The following PDE5A variants were observed in gnomAD, a reference collection of about 807,000 sequenced individuals.
PDE5A encodes the protein phosphodiesterase 5A, also known as cGMP-specific 3',5'-cyclic phosphodiesterase.
In PDE5A, 67 loss-of-function variants were observed where a neutral mutation model predicts 110.2. That is an observed-to-expected ratio of 0.61 (90% CI 0.50 to 0.75). PDE5A has a LOEUF of 0.75. Ranked by LOEUF, PDE5A falls within the 30% of genes least tolerant of loss-of-function variation. The pLI, the probability that PDE5A is intolerant of heterozygous loss-of-function variation, is 0.00. For missense variants in PDE5A, 862 were observed against 1,045.1 expected (o/e 0.82, Z 2.42); for synonymous variants, 328 against 351.2 (o/e 0.93, Z 0.74).
chr4:119,583,460 T>C (rs1184304923), intron 3 of PDE5A, among the ~76,000 whole-genome samples: 2 of 152,138 alleles, frequency 1.3e-5, no homozygotes, highest in Non-Finnish European at 2.9e-5. Context: ...TTTGACTTTC[T>C]TAGCACTCAT....
intron 1 of PDE5A, among the ~76,000 whole-genome samples, chr4:119,623,421 T>C (rs1730231876): frequency 6.6e-6 from 1 of 152,206 alleles, no homozygotes; most frequent in African/African-American, 2.4e-5. Context: ...GAGGTTTTTA[T>C]CCCACAATTG....
intron 3 of PDE5A, among the ~76,000 whole-genome samples, chr4:119,582,036 G>A (rs1044620426): frequency 4.6e-5 from 7 of 152,272 alleles, no homozygotes; most frequent in African/African-American, 1.4e-4. Flanking sequence ...AAATTTCTTA[G>A]CATAAGACAA....
intron 4 of PDE5A, among the ~76,000 whole-genome samples, chr4:119,566,633 C>T (rs1026981484): frequency 1.3e-5 from 2 of 152,102 alleles, no homozygotes; most frequent in Admixed American, 6.6e-5. Flanking sequence ...ACTGTCTGTG[C>T]GCAAGGCTTA....
intron 19 of PDE5A, 88 bp from the exon 20 acceptor site, chr4:119,501,341 C>T: frequency 3.8e-6 from 3 of 795,610 alleles, no homozygotes; most frequent in Non-Finnish European, 6.3e-6. Flanking sequence ...GATGGAGTCT[C>T]ACTCTGTTGT....
At chr4:119,555,366 C>T (rs773555330) in intron 7 of PDE5A, among the ~76,000 whole-genome samples, 15 of 152,134 alleles carry the variant, frequency 9.9e-5, no homozygotes, top group African/African-American at 1.4e-4. Context: ...AGACCTAATA[C>T]ACTCCTGAGG....
chr4:119,623,018 G>A (rs1443700472), intron 1 of PDE5A, among the ~76,000 whole-genome samples: 4 of 143,714 alleles, frequency 2.8e-5, no homozygotes, highest in African/African-American at 1.0e-4. Flanking sequence ...CAGAGAAAAT[G>A]AATTAAGCAC....
chr4:119,626,707 C>T (rs1730358688), intron 1 of PDE5A, among the ~76,000 whole-genome samples: 1 of 150,166 alleles, frequency 6.7e-6, no homozygotes, highest in Non-Finnish European at 1.5e-5. Context: ...CTTAGTGTCT[C>T]ACGCTAAACT....
intron 3 of PDE5A, among the ~76,000 whole-genome samples, chr4:119,577,241 A>G (rs528582859): frequency 2.6e-5 from 4 of 152,160 alleles, no homozygotes; most frequent in South Asian, 2.1e-4. Context: ...ATTCACAGCC[A>G]AATTCTACCA....
At chr4:119,569,041 T>C (rs1728047542) in intron 3 of PDE5A, among the ~76,000 whole-genome samples, 1 of 151,970 alleles carries the variant, frequency 6.6e-6, no homozygotes, top group Admixed American at 6.6e-5. Context: ...CTTTTTTTTT[T>C]TTTTCTTTTT....
chr4:119,625,323 T>C (rs1005745603), intron 1 of PDE5A, among the ~76,000 whole-genome samples: 4 of 152,158 alleles, frequency 2.6e-5, no homozygotes, highest in African/African-American at 7.2e-5. Context: ...ATAAGATGCG[T>C]AGCTCTCTAC....
At chr4:119,507,735 T>C in intron 15 of PDE5A, 31 bp from the exon 16 acceptor site, 1 of 1,414,954 alleles carries the variant, frequency 7.1e-7, no homozygotes, top group East Asian at 2.3e-5. Flanking sequence ...AGTATTAACA[T>C]CCTGGAGAAG....
intron 3 of PDE5A, among the ~76,000 whole-genome samples, chr4:119,591,250 T>A (rs1329474598): frequency 6.6e-6 from 1 of 152,188 alleles, no homozygotes; most frequent in Non-Finnish European, 1.5e-5. Context: ...GTTCTACATC[T>A]CCTTTTAAAG....
rs998801301 is a variant in PDE5A at position 119,562,411 on chromosome 4, A to C, written c.1131+422T>G. On this transcript the variant is annotated intron_variant, in intron 6 of 20. Coordinates refer to ENST00000354960, the MANE Select transcript of PDE5A (RefSeq NM_001083.4). Reference sequence around the variant, plus strand: ...GGTTTCTATACAATTTCTAGTAAGAAGAAATTTTTATACCCAACCCATCCA... The same window carrying C: ...GGTTTCTATACAATTTCTAGTAAGACGAAATTTTTATACCCAACCCATCCA... Among the ~76,000 whole-genome samples the C allele has an allele frequency of 2.0e-5, 3 of 152,244 alleles. No homozygotes were observed. The East Asian group carries it at 5.8e-4, about 29-fold the overall frequency.
rs75083272 is a variant in PDE5A, at chr4:119,623,530, A to G, written c.152+4990T>C. ...CAAATCTAGAGGAAGGGGTGCCTCA[A>G]AGTAGGACACACTCCCTATAATCAG... On this transcript the variant is annotated intron_variant, in intron 1 of 20. Coordinates refer to ENST00000354960, the MANE Select transcript of PDE5A (RefSeq NM_001083.4). Among the ~76,000 whole-genome samples the G allele has an allele frequency of 3.1e-3, 477 of 152,308 alleles. 2 individuals carry two copies. Among genetic ancestry groups the G allele is most frequent in the African/African-American group, 0.011 (448 of 41,564 alleles).
chr4:119,574,364 A>C (rs1267610857), intron 3 of PDE5A, among the ~76,000 whole-genome samples: 1 of 63,818 alleles, frequency 1.6e-5, no homozygotes, highest in Non-Finnish European at 3.7e-5. Context: ...TTGTATTTTT[A>C]GTAGAGACGG....
At chr4:119,625,891 A>AC (rs1206566812) in intron 1 of PDE5A, among the ~76,000 whole-genome samples, 1 of 152,160 alleles carries the variant, frequency 6.6e-6, no homozygotes, top group African/African-American at 2.4e-5. Context: ...CAAATATAAA[A>AC]CCAAATTGGA....
chr4:119,501,786 T>TA (rs1252221844), intron 19 of PDE5A, among the ~76,000 whole-genome samples: 4 of 152,194 alleles, frequency 2.6e-5, no homozygotes, highest in African/African-American at 4.8e-5. Context: ...ATACTCTATG[T>TA]AAAAAGGCAG....
chr4:119,525,480 C>T lies in PDE5A; in HGVS notation c.1779+69G>A. Reference sequence around the variant, plus strand: ...CCTATTCCATATTTGCATTCAAAACCAATTCTCTCTCTTACATACACACAC... The same window carrying T: ...CCTATTCCATATTTGCATTCAAAACTAATTCTCTCTCTTACATACACACAC... On this transcript the variant is annotated intron_variant, in intron 12 of 20. Transcript: ENST00000354960. This position sits in a 1 kb window ranked among gnomAD's most constrained non-coding sequence, Gnocchi z 4.3. 2 of 1,423,612 alleles carry T rather than the reference C, an allele frequency of 1.4e-6. No individual in the cohort carries two copies. The highest frequency in any genetic ancestry group is 1.9e-6 in the Non-Finnish European group (2 of 1,050,874). The allele number at this position is 1,423,612 out of a possible 1,614,324, so 88.2% of individuals were successfully genotyped here. A position where few individuals can be genotyped will look rare whatever the true frequency, so the allele number is the denominator to read the frequency against.
chr4:119,516,626 CT>C (rs1354720196), intron 14 of PDE5A, among the ~76,000 whole-genome samples: 6 of 146,974 alleles, frequency 4.1e-5, no homozygotes, highest in Non-Finnish European at 6.1e-5. Flanking sequence ...TGAGATCATT[CT>C]TTTTTTTTTG....
Sources: allele counts gnomAD v4.1 joint callset (sites outside exome capture counted in the v4.1 genomes callset), GRCh38; gene constraint gnomAD v4.1.1; non-coding constraint Gnocchi (gnomAD v3.1); transcripts MANE v1.5; gene names NCBI Gene and HGNC (gene_info 2026-07-23, HGNC 2026-07-21).